TSSK4: variants seen among roughly 807,000 people sequenced by gnomAD.
TSSK4 encodes testis specific serine kinase 4.
TSSK4 carries 22 observed loss-of-function variants against 28.5 expected under a neutral mutation model. That is an observed-to-expected ratio of 0.77 (90% CI 0.55 to 1.10). The LOEUF is 1.10. Among genes scored for constraint, TSSK4 ranks in the 50% least tolerant of loss-of-function variants. TSSK4 has a pLI of 0.00. For synonymous variants in TSSK4, 151 were observed against 158.3 expected (o/e 0.95, Z 0.35); for missense variants, 329 against 415.4 (o/e 0.79, Z 1.81).
chr14:24,207,558 AG>A, intron 3 of TSSK4, 49 bp downstream of exon 3: 3 of 1,542,456 alleles, frequency 1.9e-6, no homozygotes, highest in Non-Finnish European at 2.6e-6. Flanking sequence ...ACCCACAGGG[AG>A]GGGTGAATAT....
chr14:24,206,385 C>A, intron 1 of TSSK4, 124 bp from the exon 2 acceptor site: 1 of 1,105,646 alleles, frequency 9.0e-7, no homozygotes, highest in Non-Finnish European at 1.3e-6. Flanking sequence ...GCCACCAGTT[C>A]TCTGGGGTTG....
Position 24,206,779 on chromosome 14 carries a change from A to T in TSSK4, c.440+56A>T, listed in dbSNP as rs1033789863. On this transcript the variant is annotated intron_variant, in intron 2 of 3. Transcript: ENST00000339917. Reference sequence around the variant, plus strand: ...TTGCCCTCAAGGGGGTTTTATGCACATCTCCCATTTCCTGTCCTTTTTTCC... The same window carrying T: ...TTGCCCTCAAGGGGGTTTTATGCACTTCTCCCATTTCCTGTCCTTTTTTCC... The T allele has an allele frequency of 2.5e-6, 4 of 1,579,142 alleles. No homozygotes were observed. The African/African-American group carries it at 5.4e-5, about 21-fold the overall frequency.
In TSSK4 at chr14:24,206,640, C is replaced by G; in HGVS notation, c.357C>G (p.Ala119=). 1 of 1,614,262 alleles carries G rather than the reference C, an allele frequency of 6.2e-7. No homozygotes were observed. Among genetic ancestry groups the G allele is most frequent in the Non-Finnish European group, 8.5e-7 (1 of 1,180,048 alleles). ...TTGAATGGATCCAGCGCTACGGGGC[C>G]TGCTCTGAGCCCCTTGCTGGCAAGT... ...DVLEWIQRYG[A]CSEPLAGKWF... is the part of the protein sequence containing the mutation. The change falls in exon 2 of 4, where the codon GCC becomes GCG. Residue 119 remains alanine (A), a synonymous_variant. Transcript: ENST00000339917.
chr14:24,205,746 C>T lies in TSSK4; in HGVS notation c.-178C>T, dbSNP rs1594462958. 1.7e-6 allele frequency: 1 copy of T among 595,404 alleles called. No individual in the cohort carries two copies. The highest frequency in any genetic ancestry group is 2.8e-5 in the East Asian group (1 of 36,070). 36.9% of individuals were successfully genotyped at this position (595,404 alleles called of 1,614,324 possible). A position where few individuals can be genotyped will look rare whatever the true frequency, so the allele number is the denominator to read the frequency against. ...AAAAGAACTGCTTCTCTTTCTTTCC[C>T]CCTCCAAGTTCCTAGTGGAGGGCTG... On this transcript the variant is annotated 5_prime_UTR_variant, in exon 1 of 4. Coordinates refer to ENST00000339917, the MANE Select transcript of TSSK4 (RefSeq NM_001184739.2).
Position 24,207,975 on chromosome 14 carries a change from C to T in TSSK4, c.846C>T (p.Leu282=). ...TISQECKNLI[L]QMLRQATKRA... ...CTCCCCTGCTCTAGAACCTGATCCT[C>T]CAGATGCTACGCCAAGCCACTAAGC... is the stretch of plus-strand genomic sequence containing the variant. The change falls in exon 4 of 4, where the codon CTC becomes CTT. Residue 282 remains leucine (L), a synonymous_variant. Transcript: ENST00000339917. The T allele has an allele frequency of 6.2e-7, 1 of 1,614,132 alleles. No individual in the cohort carries two copies. Among genetic ancestry groups the T allele is most frequent in the Non-Finnish European group, 8.5e-7 (1 of 1,179,984 alleles).
chr14:24,206,362 C>A, intron 1 of TSSK4, 147 bp from the exon 2 acceptor site: 1 of 938,226 alleles, frequency 1.1e-6, no homozygotes, highest in Non-Finnish European at 1.6e-6. Flanking sequence ...CAAAACATAG[C>A]ATTTGCCCAC....
chr14:24,207,578 G>C, intron 3 of TSSK4, 69 bp downstream of exon 3: 1 of 1,521,856 alleles, frequency 6.6e-7, no homozygotes, highest in Non-Finnish European at 8.8e-7. Flanking sequence ...ATCCAACCTA[G>C]GTCACCCAAC....
chr14:24,207,280 C>G lies in TSSK4; in HGVS notation c.605C>G (p.Ser202Cys). The change falls in exon 3 of 4, where the codon TCC becomes TGC. Residue 202 changes from serine to cysteine, a missense_variant. By Grantham distance (112) the Ser-to-Cys change is moderately radical. Coordinates refer to ENST00000339917, the MANE Select transcript of TSSK4 (RefSeq NM_001184739.2). ...TCTTACCGCCAAGTGAACTGCTTTT[C>G]CCACCTCAGCCAGACTTACTGTGGC... ...SPSYRQVNCF[S>C]HLSQTYCGSF... 6.2e-7 allele frequency: 1 copy of G among 1,614,150 alleles called. No individual in the cohort carries two copies. The highest frequency in any genetic ancestry group is 8.5e-7 in the Non-Finnish European group (1 of 1,180,010).
In TSSK4 at chr14:24,208,193, T is replaced by A; in HGVS notation, c.*47T>A. On this transcript the variant is annotated 3_prime_UTR_variant, in exon 4 of 4. Coordinates refer to ENST00000339917, the MANE Select transcript of TSSK4 (RefSeq NM_001184739.2). ...AAGAGAGGAGCAAAGCAGGAGGTCT[T>A]GGGCTAAAAATCTTTTTTACCAAAA... 6.6e-7 allele frequency: 1 copy of A among 1,519,634 alleles called. No individual in the cohort carries two copies. The highest frequency in any genetic ancestry group is 8.8e-7 in the Non-Finnish European group (1 of 1,133,364). The allele number at this position is 1,519,634 out of a possible 1,614,324, so 94.1% of individuals were successfully genotyped here. A position where few individuals can be genotyped will look rare whatever the true frequency, so the allele number is the denominator to read the frequency against.
intron 1 of TSSK4, 138 bp downstream of exon 1, chr14:24,206,286 A>G (rs1566656070): frequency 3.3e-6 from 3 of 920,432 alleles, no homozygotes; most frequent in Non-Finnish European, 4.9e-6. Flanking sequence ...CAGCTAGGAA[A>G]CTTTATGTAA....
intron 3 of TSSK4, 57 bp downstream of exon 3, chr14:24,207,566 A>C: frequency 6.5e-7 from 1 of 1,536,762 alleles, no homozygotes; most frequent in Non-Finnish European, 8.7e-7. Flanking sequence ...GGAGGGGTGA[A>C]TATCCAACCT....
Position 24,207,328 on chromosome 14 carries a change from A to C in TSSK4, c.653A>C (p.Glu218Ala). 1 of 1,614,146 alleles carries C rather than the reference A, an allele frequency of 6.2e-7. No individual in the cohort carries two copies. The highest frequency in any genetic ancestry group is 8.5e-7 in the Non-Finnish European group (1 of 1,180,030). ...YCGSFAYACPEILRGLPYNPF... is the reference protein window; with the variant it reads ...YCGSFAYACPAILRGLPYNPF... ...GGCAGCTTTGCTTACGCTTGCCCAG[A>C]GATCTTACGAGGCTTGCCCTACAAC... The change falls in exon 3 of 4, where the codon GAG (glutamate) becomes GCG (alanine). Residue 218 changes from glutamate to alanine, a missense_variant. Coordinates refer to ENST00000339917, the MANE Select transcript of TSSK4 (RefSeq NM_001184739.2).
Position 24,208,007 on chromosome 14 carries a change from C to G in TSSK4, c.878C>G (p.Thr293Ser). 1.2e-6 allele frequency: 2 copies of G among 1,614,244 alleles called. No homozygotes were observed. The highest frequency in any genetic ancestry group is 1.7e-6 in the Non-Finnish European group (2 of 1,180,050). Residue 293 changes from threonine to serine, a missense_variant, in exon 4 of 4, where the codon ACC becomes AGC. Thr to Ser is a moderately conservative substitution (Grantham distance 58). This residue lies in a region of TSSK4 where 139 missense variants were observed against 178.1 expected (regional missense o/e 0.78). Coordinates refer to ENST00000339917, the MANE Select transcript of TSSK4 (RefSeq NM_001184739.2). Reference sequence around the variant, plus strand: ...CTACGCCAAGCCACTAAGCGTGCCACCATTCTGGACATCATCAAGGATTCC... The same window carrying G: ...CTACGCCAAGCCACTAAGCGTGCCAGCATTCTGGACATCATCAAGGATTCC... The part of the protein sequence containing the change: ...QMLRQATKRA[T>S]ILDIIKDSWV...
In TSSK4 at chr14:24,205,749, T is replaced by G. The variant is rs182646260; in HGVS notation, c.-175T>G. ...AGAACTGCTTCTCTTTCTTTCCCCC[T>G]CCAAGTTCCTAGTGGAGGGCTGAGT... On this transcript the variant is annotated 5_prime_UTR_variant, in exon 1 of 4. Transcript: ENST00000339917. The G allele has an allele frequency of 2.0e-4, 119 of 598,452 alleles. 1 individual carries two copies. The highest frequency in any genetic ancestry group is 2.0e-3 in the African/African-American group (106 of 53,870). 37.1% of individuals were successfully genotyped at this position (598,452 alleles called of 1,614,324 possible). A position where few individuals can be genotyped will look rare whatever the true frequency, so the allele number is the denominator to read the frequency against.
rs996790433 is a variant in TSSK4 at position 24,207,604 on chromosome 14, C to G, written c.834+95C>G. 9 of 1,404,854 alleles carry G rather than the reference C, an allele frequency of 6.4e-6. No homozygotes were observed. The Admixed American group carries it at 1.8e-4, about 28-fold the overall frequency. The allele number at this position is 1,404,854 out of a possible 1,614,324, so 87.0% of individuals were successfully genotyped here. ...GTCACCCAACCTAGGCCTCCCAACC[C>G]TGGGGAAAGGCTCTTCCCACACCAG... is the stretch of plus-strand genomic sequence containing the variant. On this transcript the variant is annotated intron_variant, in intron 3 of 3. Coordinates refer to ENST00000339917, the MANE Select transcript of TSSK4 (RefSeq NM_001184739.2).
rs757866012 is a variant in TSSK4 at position 24,206,584 on chromosome 14, A to G, written c.301A>G (p.Ile101Val). 6.2e-7 allele frequency: 1 copy of G among 1,614,212 alleles called. No homozygotes were observed. The highest frequency in any genetic ancestry group is 1.7e-5 in the Admixed American group (1 of 60,030). ...TGAGAGCACATCTCGAGTATACATCATTCTGGAACTGGCTCAGGGTGGTGA... is the reference window on the plus strand; with the variant it reads ...TGAGAGCACATCTCGAGTATACATCGTTCTGGAACTGGCTCAGGGTGGTGA... ...AIESTSRVYI[I>V]LELAQGGDVL... The change falls in exon 2 of 4, where the codon ATT becomes GTT. Residue 101 changes from isoleucine to valine, a missense_variant. Ile to Val is a conservative substitution (Grantham distance 29). Transcript: ENST00000339917.
chr14:24,205,949 C>A lies in TSSK4; in HGVS notation c.26C>A (p.Ala9Glu), dbSNP rs1408730949. 6.2e-7 allele frequency: 1 copy of A among 1,614,018 alleles called. No homozygotes were observed. Among genetic ancestry groups the A allele is most frequent in the Middle Eastern group, 1.7e-4 (1 of 5,936 alleles). Residue 9 changes from alanine (A) to glutamate (E), a missense_variant, in exon 1 of 4, where the codon GCA (alanine) becomes GAA (glutamate). Ala to Glu is a moderately radical substitution (Grantham distance 107). Coordinates refer to ENST00000339917, the MANE Select transcript of TSSK4 (RefSeq NM_001184739.2). MGKGDVLEAAPTTTAYHSL... is the reference protein window; with the variant it reads MGKGDVLEEAPTTTAYHSL... ...ATGGGGAAGGGAGATGTCTTAGAGG[C>A]AGCACCAACCACCACAGCCTACCAT...
In TSSK4 at chr14:24,207,335, A is replaced by C; in HGVS notation, c.660A>C (p.Leu220Phe). 1 of 1,614,136 alleles carries C rather than the reference A, an allele frequency of 6.2e-7. No homozygotes were observed. Among genetic ancestry groups the C allele is most frequent in the Non-Finnish European group, 8.5e-7 (1 of 1,180,032 alleles). ...GSFAYACPEI[L>F]RGLPYNPFLS... ...TTGCTTACGCTTGCCCAGAGATCTT[A>C]CGAGGCTTGCCCTACAACCCTTTCC... The change falls in exon 3 of 4, where the codon TTA becomes TTC. Residue 220 changes from leucine (L) to phenylalanine (F), a missense_variant. Physicochemically the swap from Leu to Phe is conservative, Grantham distance 22. Coordinates refer to ENST00000339917, the MANE Select transcript of TSSK4 (RefSeq NM_001184739.2).
Position 24,206,462 on chromosome 14 carries a change from C to T in TSSK4, c.226-47C>T, listed in dbSNP as rs367939541. 4.4e-6 allele frequency: 7 copies of T among 1,598,432 alleles called. No homozygotes were observed. In the African/African-American group the frequency reaches 8.0e-5, roughly 18 times the overall value. On this transcript the variant is annotated intron_variant, in intron 1 of 3. Coordinates refer to ENST00000339917, the MANE Select transcript of TSSK4 (RefSeq NM_001184739.2). ...GGTAGGAGACGGCTGGGAGTGCAGT[C>T]AGGGTTCTCCCTTCCCAGGTTTGAT...
Sources: gnomAD v4.1 joint callset for allele counts on GRCh38, gnomAD v4.1.1 for gene constraint, gnomAD v4.1.1 regional missense constraint, MANE v1.5 for transcripts, NCBI Gene and HGNC (gene_info 2026-07-23, HGNC 2026-07-21) for gene names.